Variants in SPECC1 observed in about 807,000 individuals in gnomAD.
SPECC1 encodes sperm antigen with calponin homology and coiled-coil domains 1, also known as cytospin-B.
A neutral mutation model predicts 104.1 loss-of-function variants in SPECC1; 62 were observed. The ratio of observed to expected loss-of-function variants is 0.60; its 90% CI spans 0.49 to 0.74. The LOEUF (loss-of-function observed/expected upper bound fraction) is 0.74, where lower values mean the gene tolerates loss of function less well. Ranked by LOEUF, SPECC1 falls within the 30% of genes least tolerant of loss-of-function variation. The probability of loss-of-function intolerance (pLI) is 0.00; values close to 1 mark genes in which losing one functional copy is unlikely to be tolerated. For synonymous variants in SPECC1, 513 were observed against 501.6 expected, an observed-to-expected ratio of 1.02 and a Z score of -0.30; for missense variants, 1,306 against 1,310.5, an observed-to-expected ratio of 1.00 and a Z score of 0.05.
In SPECC1 at chr17:20,318,102, C is replaced by T. The variant is rs1296085692; in HGVS notation, c.*4037C>T. 4.3e-6 allele frequency: 1 copy of T among 231,356 alleles called. No homozygotes were observed. Among genetic ancestry groups the T allele is most frequent in the Non-Finnish European group, 8.6e-6 (1 of 116,948 alleles). 14.3% of individuals were successfully genotyped at this position (231,356 alleles called of 1,614,324 possible). A position where few individuals can be genotyped will look rare whatever the true frequency, so the allele number is the denominator to read the frequency against. On this transcript the variant is annotated 3_prime_UTR_variant, in exon 15 of 15. Transcript: ENST00000395527. Reference sequence around the variant, plus strand: ...CAACAGCCACATTTCTTTCCATCTTCCCTCAGCCAGTAGTCATTTAAAATT... The same window carrying T: ...CAACAGCCACATTTCTTTCCATCTTTCCTCAGCCAGTAGTCATTTAAAATT...
chr17:20,317,897 G>A lies in SPECC1; in HGVS notation c.*3832G>A, dbSNP rs1179149809. On this transcript the variant is annotated 3_prime_UTR_variant, in exon 15 of 15. Coordinates refer to ENST00000395527, the MANE Select transcript of SPECC1 (RefSeq NM_001243439.2). ...TGGCGTGTGGAGGTGCAGGACCTGG[G>A]GGAGGCAGTCCCCAACCCAGCTAGG... The A allele has an allele frequency of 4.4e-6, 1 of 225,966 alleles. No homozygotes were observed. The highest frequency in any genetic ancestry group is 8.8e-6 in the Non-Finnish European group (1 of 113,622). The allele number at this position is 225,966 out of a possible 1,614,324, so 14.0% of individuals were successfully genotyped here.
intron 4 of SPECC1, among the ~76,000 whole-genome samples, chr17:20,223,691 T>C (rs2038034493): frequency 6.6e-6 from 1 of 152,034 alleles, no homozygotes; most frequent in African/African-American, 2.4e-5. Flanking sequence ...AAAAAAATTA[T>C]TTCAATCTCT....
intron 3 of SPECC1, among the ~76,000 whole-genome samples, chr17:20,150,870 TATAC>T (rs2031944699): frequency 6.6e-6 from 1 of 152,196 alleles, no homozygotes. Flanking sequence ...TAATTTGCTA[TATAC>T]ATGTCAAAAT....
chr17:20,194,501 A>ATTTTTTTTTT lies in SPECC1; in HGVS notation c.284-9832_284-9831insTTTTTTTTTT, dbSNP rs1567923485. ...TTGTGTTCTGTTAGAAAAGAGAACG[A>ATTTTTTTTTT]ATTTTTTTTTTTTTTTTTTTTTTTG... On this transcript the variant is annotated intron_variant, in intron 3 of 14. Coordinates refer to ENST00000395527, the MANE Select transcript of SPECC1 (RefSeq NM_001243439.2). 8.4e-4 allele frequency among the ~76,000 whole-genome samples: 57 copies of ATTTTTTTTTT among 68,112 alleles called. 2 individuals carry two copies. In the East Asian group the frequency reaches 0.069, roughly 83 times the overall value. The allele number at this position is 68,112 out of a possible 152,430, so 44.7% of individuals were successfully genotyped here.
At chr17:20,280,276 G>C (rs1160348151) in intron 12 of SPECC1, among the ~76,000 whole-genome samples, 1 of 152,208 alleles carries the variant, frequency 6.6e-6, no homozygotes, top group Non-Finnish European at 1.5e-5. Context: ...CATTGTCTAA[G>C]TGCATCTAAT....
At chr17:20,258,292 G>A (rs1449325876) in intron 11 of SPECC1, among the ~76,000 whole-genome samples, 1 of 152,188 alleles carries the variant, frequency 6.6e-6, no homozygotes, top group African/African-American at 2.4e-5. Flanking sequence ...CTGTCACAGG[G>A]ATGTAAAGGA....
chr17:20,159,136 G>C (rs1459420656), intron 3 of SPECC1, among the ~76,000 whole-genome samples: 1 of 152,008 alleles, frequency 6.6e-6, no homozygotes, highest in Non-Finnish European at 1.5e-5. Flanking sequence ...GTAGAGGTGG[G>C]ATTTCACCAT....
chr17:20,273,112 A>G (rs1161257276), intron 12 of SPECC1, among the ~76,000 whole-genome samples: 1 of 152,156 alleles, frequency 6.6e-6, no homozygotes, highest in South Asian at 2.1e-4. Context: ...GGGCACATCC[A>G]TTCTCCAGAG....
At chr17:20,071,765 A>C (rs1351177393) in intron 1 of SPECC1, among the ~76,000 whole-genome samples, 8 of 152,176 alleles carry the variant, frequency 5.3e-5, no homozygotes, top group African/African-American at 1.9e-4. Flanking sequence ...TTGAATACAT[A>C]CTTATTTTAG....
At chr17:20,240,012 G>C (rs1199722919) in intron 7 of SPECC1, among the ~76,000 whole-genome samples, 3 of 130,418 alleles carry the variant, frequency 2.3e-5, no homozygotes, top group Non-Finnish European at 4.7e-5. Flanking sequence ...TCCCACCCCA[G>C]CCTCCTGAGT....
intron 1 of SPECC1, among the ~76,000 whole-genome samples, chr17:20,053,511 G>A (rs1049990103): frequency 6.6e-6 from 1 of 152,224 alleles, no homozygotes. Context: ...AGTGTTAGGA[G>A]TAGGTCCATA....
At chr17:20,154,975 A>AGTG (rs1567882157) in intron 3 of SPECC1, among the ~76,000 whole-genome samples, 1 of 152,194 alleles carries the variant, frequency 6.6e-6, no homozygotes, top group Non-Finnish European at 1.5e-5. Flanking sequence ...AAAAAACCTA[A>AGTG]GTGGAGGTGT....
At chr17:20,117,836 G>T (rs2048836764) in intron 3 of SPECC1, among the ~76,000 whole-genome samples, 2 of 152,050 alleles carry the variant, frequency 1.3e-5, no homozygotes. Flanking sequence ...GGGTGCGGTG[G>T]CTCAACGCCT....
rs398041591 is a variant in SPECC1 at position 20,314,692 on chromosome 17, T to TC, written c.*635dup. 0.5 allele frequency: 75,750 copies of TC among 150,802 alleles called. 15,705 individuals carry two copies. The highest frequency in any genetic ancestry group is 0.75 in the East Asian group (7,215 of 9,582). The allele number at this position is 150,802 out of a possible 1,614,324, so 9.3% of individuals were successfully genotyped here. On this transcript the variant is annotated 3_prime_UTR_variant, in exon 15 of 15. Coordinates refer to ENST00000395527, the MANE Select transcript of SPECC1 (RefSeq NM_001243439.2). ...CCCTTGTGAACCCTCCCTTCCCCCC[T>TC]CCCCCCCCAAAAAAAAACAACAAAA...
Position 20,180,423 on chromosome 17 carries a change from A to G in SPECC1, c.284-23910A>G, listed in dbSNP as rs560465614. Among the ~76,000 whole-genome samples the G allele has an allele frequency of 3.3e-5, 5 of 152,386 alleles. No homozygotes were observed. The East Asian group carries it at 9.6e-4, about 29-fold the overall frequency. ...CTATATATTGGTAGAAACCAAAAAT[A>G]TAAAGTATAACTGCCTTTAAGCAGC... On this transcript the variant is annotated intron_variant, in intron 3 of 14. Coordinates refer to ENST00000395527, the MANE Select transcript of SPECC1 (RefSeq NM_001243439.2).
chr17:20,168,018 C>T (rs575601305), intron 3 of SPECC1, among the ~76,000 whole-genome samples: 34 of 152,046 alleles, frequency 2.2e-4, no homozygotes, highest in Admixed American at 8.5e-4. Context: ...GCAAATATAG[C>T]CAAAATTATG....
At chr17:20,192,693 A>G (rs1353046675) in intron 3 of SPECC1, among the ~76,000 whole-genome samples, 1 of 152,108 alleles carries the variant, frequency 6.6e-6, no homozygotes, top group Non-Finnish European at 1.5e-5. Context: ...CTTTTTCACT[A>G]GCAAGGATGA....
At chr17:20,099,188 T>G (rs2047798449) in intron 2 of SPECC1, among the ~76,000 whole-genome samples, 2 of 152,206 alleles carry the variant, frequency 1.3e-5, no homozygotes, top group Non-Finnish European at 2.9e-5. Context: ...TATCCTGGAT[T>G]GAAACATCAT....
At chr17:20,112,543 A>T (rs1472047232) in intron 3 of SPECC1, 4 of 780,622 alleles carry the variant, frequency 5.1e-6, no homozygotes, top group Admixed American at 1.7e-5. Context: ...TTAACTTCAA[A>T]ATGGCCAGTT....
Sources: gnomAD v4.1 joint callset for allele counts (sites outside exome capture counted in the v4.1 genomes callset) on GRCh38, gnomAD v4.1.1 for gene constraint, MANE v1.5 for transcripts, NCBI Gene and HGNC (gene_info 2026-07-23, HGNC 2026-07-21) for gene names.